DMD: variants seen among roughly 807,000 people sequenced by gnomAD.
DMD encodes the protein dystrophin.
DMD carries 63 observed loss-of-function variants against 330.1 expected under a neutral mutation model. The ratio of observed to expected loss-of-function variants is 0.19; its 90% CI spans 0.16 to 0.24. The LOEUF (loss-of-function observed/expected upper bound fraction) is 0.24, where lower values mean the gene tolerates loss of function less well. Ranked by LOEUF, DMD falls within the 10% of genes least tolerant of loss-of-function variation. The pLI, the probability that DMD is intolerant of heterozygous loss-of-function variation, is 1.00. For synonymous variants in DMD, 1,223 were observed against 959.8 expected (o/e 1.27, Z -5.07); for missense variants, 3,344 against 2,684.1 (o/e 1.25, Z -5.43).
chrX:31,594,080 A>G (rs1414836353), intron 55 of DMD, among the ~76,000 whole-genome samples: 1 of 111,039 alleles, frequency 9.0e-6, no homozygotes, highest in Non-Finnish European at 1.9e-5. Flanking sequence ...GCATTTCTCA[A>G]TTTTTATACT....
chrX:32,706,464 T>C (rs908222864), intron 7 of DMD, among the ~76,000 whole-genome samples: 1 of 110,112 alleles, frequency 9.1e-6, no homozygotes, highest in Non-Finnish European at 1.9e-5. Context: ...TTCGGGAGGC[T>C]GAGGTTAGAG....
chrX:32,544,918 C>CT (rs1182774869), intron 17 of DMD, among the ~76,000 whole-genome samples: 13 of 110,160 alleles, frequency 1.2e-4, no homozygotes, highest in Non-Finnish European at 1.3e-4. Flanking sequence ...CCTATAGTTT[C>CT]TATAGTTTCT....
intron 8 of DMD, 71 bp downstream of exon 8, chrX:32,699,041 G>T (rs1407840698): frequency 1.1e-6 from 1 of 912,317 alleles, no homozygotes; most frequent in South Asian, 2.0e-5. Flanking sequence ...ATATATATGT[G>T]CACGTAATAC....
At chrX:33,243,056 G>A (rs1411310913) in intron 1 of DMD, among the ~76,000 whole-genome samples, 4 of 111,744 alleles carry the variant, frequency 3.6e-5, no homozygotes, top group African/African-American at 1.3e-4. Flanking sequence ...TTGTCTGTTT[G>A]TTTACTCTGC....
At chrX:32,838,030 C>T (rs1416835084) in intron 4 of DMD, among the ~76,000 whole-genome samples, 1 of 112,010 alleles carries the variant, frequency 8.9e-6, no homozygotes, top group East Asian at 2.8e-4. Context: ...ATTAAACCTA[C>T]AGTTATTTGT....
intron 64 of DMD, among the ~76,000 whole-genome samples, chrX:31,220,333 A>C (rs184321735): frequency 4.5e-5 from 5 of 111,079 alleles, no homozygotes; most frequent in Admixed American, 9.6e-5. Context: ...CTTTTGGTTC[A>C]CTTTTGAACT....
In DMD at chrX:32,652,142, C is replaced by CT. The variant is rs772271257; in HGVS notation, c.961-6991dup. Among the ~76,000 whole-genome samples the CT allele has an allele frequency of 1.6e-3, 180 of 109,851 alleles. 1 individual carries two copies. The highest frequency in any genetic ancestry group is 5.8e-3 in the African/African-American group (176 of 30,258). ...AGGTTCTAGAGCCAAAAACATTAAT[C>CT]TTTTTTTTTATACTTTAAATACTAG... On this transcript the variant is annotated intron_variant, in intron 9 of 78. Coordinates refer to ENST00000357033, the MANE Select transcript of DMD (RefSeq NM_004006.3).
chrX:32,649,029 C>T (rs753112454), intron 9 of DMD, among the ~76,000 whole-genome samples: 12 of 111,090 alleles, frequency 1.1e-4, no homozygotes, highest in Admixed American at 1.9e-4. Context: ...GTCTTTATCA[C>T]AGTAGTTTAT....
chrX:31,996,094 C>T (rs2095583871), intron 44 of DMD, among the ~76,000 whole-genome samples: 1 of 111,707 alleles, frequency 9.0e-6, no homozygotes, highest in Non-Finnish European at 1.9e-5. Context: ...ATGAATCGGC[C>T]ATGGCTTTAT....
intron 44 of DMD, chrX:32,206,096 T>C (rs2097067657): frequency 1.5e-5 from 8 of 516,886 alleles, no homozygotes; most frequent in Non-Finnish European, 2.5e-5. Flanking sequence ...ACAAAGGCAG[T>C]CCAATTAAAG....
intron 34 of DMD, among the ~76,000 whole-genome samples, 173 bp downstream of exon 34, chrX:32,380,337 A>G (rs1806583468): frequency 8.9e-6 from 1 of 111,837 alleles, no homozygotes; most frequent in Non-Finnish European, 1.9e-5. Flanking sequence ...GCTAAAGCTT[A>G]CCATTGGTTT....
intron 25 of DMD, among the ~76,000 whole-genome samples, chrX:32,456,952 G>C (rs1322771120): frequency 2.0e-5 from 1 of 49,430 alleles, no homozygotes; most frequent in Non-Finnish European, 4.2e-5. Flanking sequence ...AAAGGGTCCA[G>C]ATTGTTAAAA....
chrX:31,325,252 G>C (rs1336558521), intron 61 of DMD, among the ~76,000 whole-genome samples: 1 of 108,869 alleles, frequency 9.2e-6, no homozygotes, highest in Non-Finnish European at 1.9e-5. Context: ...TCTTCTGTAG[G>C]ATGCAGCTCT....
At chrX:32,354,051 A>T (rs2097790476) in intron 37 of DMD, among the ~76,000 whole-genome samples, 1 of 111,455 alleles carries the variant, frequency 9.0e-6, no homozygotes, top group African/African-American at 3.2e-5. Flanking sequence ...ACTCAGATAC[A>T]CTTTATTAGT....
At chrX:32,736,701 G>T (rs2068540054) in intron 7 of DMD, among the ~76,000 whole-genome samples, 1 of 103,998 alleles carries the variant, frequency 9.6e-6, no homozygotes, top group African/African-American at 3.6e-5. Context: ...TCACTCATAG[G>T]TGGGAATTGA....
chrX:31,396,548 G>GTTTTT (rs56745544), intron 60 of DMD, among the ~76,000 whole-genome samples: 14 of 66,047 alleles, frequency 2.1e-4, no homozygotes, highest in Non-Finnish European at 2.9e-4. Flanking sequence ...AAATCCCAGG[G>GTTTTT]TTTTTTTTTT....
chrX:32,838,922 T>A (rs1455818905), intron 4 of DMD, among the ~76,000 whole-genome samples: 1 of 112,137 alleles, frequency 8.9e-6, no homozygotes, highest in Non-Finnish European at 1.9e-5. Flanking sequence ...ATCCTGTTAC[T>A]GGGTATATAT....
At chrX:32,735,104 A>G (rs2148099001) in intron 7 of DMD, among the ~76,000 whole-genome samples, 1 of 109,518 alleles carries the variant, frequency 9.1e-6, no homozygotes, top group African/African-American at 3.4e-5. Context: ...AATCACAAGC[A>G]TTCTTATACA....
chrX:31,502,396 A>T (rs1370105448), intron 56 of DMD, among the ~76,000 whole-genome samples: 1 of 110,827 alleles, frequency 9.0e-6, no homozygotes, highest in African/African-American at 3.3e-5. Context: ...AAGGTCAGAG[A>T]TATTCAATGT....
Sources: gnomAD v4.1 joint callset for allele counts (sites outside exome capture counted in the v4.1 genomes callset) on GRCh38, gnomAD v4.1.1 for gene constraint, MANE v1.5 for transcripts, NCBI Gene and HGNC (gene_info 2026-07-23, HGNC 2026-07-21) for gene names.